The following HEATR3 variants were observed in gnomAD, a reference collection of about 807,000 sequenced individuals.
HEATR3 encodes HEAT repeat-containing protein 3.
A neutral mutation model predicts 72.8 loss-of-function variants in HEATR3; 56 were observed. That is an observed-to-expected ratio of 0.77 (90% CI 0.62 to 0.96). The LOEUF is 0.96. HEATR3 is among the 40% of genes least tolerant of loss of function. The pLI is 0.00. For synonymous variants in HEATR3, 331 were observed against 318.1 expected (o/e 1.04, Z -0.43); for missense variants, 747 against 831.4 (o/e 0.90, Z 1.25).
Position 50,086,103 on chromosome 16 carries a change from TGTATTTACAGATATTTCCAGTCAGAAC to T in HEATR3, c.1374-109_1374-83del, listed in dbSNP as rs929196163. On this transcript the variant is annotated intron_variant, in intron 10 of 14. Coordinates refer to ENST00000299192, the MANE Select transcript of HEATR3 (RefSeq NM_182922.4). ...TCTTTGCTAACTGCCATAGATACCT[TGTATTTACAGATATTTCCAGTCAGAAC>T]GTGAAGCTTAGGCTAAAAGTTAATA... 8.2e-6 allele frequency: 8 copies of T among 981,520 alleles called. No homozygotes were observed. The African/African-American group carries it at 1.3e-4, about 16-fold the overall frequency. 60.8% of individuals were successfully genotyped at this position (981,520 alleles called of 1,614,324 possible).
intron 5 of HEATR3, among the ~76,000 whole-genome samples, chr16:50,075,235 T>G (rs1394264780): frequency 1.3e-5 from 2 of 149,486 alleles, no homozygotes; most frequent in South Asian, 2.1e-4. Flanking sequence ...AGGAATCGTT[T>G]GAACCTGGGA....
intron 13 of HEATR3, 154 bp downstream of exon 13, chr16:50,100,527 C>A: frequency 1.5e-6 from 1 of 668,072 alleles, no homozygotes; most frequent in Non-Finnish European, 2.5e-6. Flanking sequence ...TACCCTTTGG[C>A]TTGATCTAAC....
chr16:50,077,292 GAGCCACAGTCCCC>G, intron 6 of HEATR3, among the ~76,000 whole-genome samples: 1 of 151,768 alleles, frequency 6.6e-6, no homozygotes, highest in Middle Eastern at 3.4e-3. Context: ...TTACAGGCGT[GAGCCACAGTCCCC>G]AGCCACAGTT....
At chr16:50,092,139 C>T (rs2037126980) in intron 11 of HEATR3, among the ~76,000 whole-genome samples, 1 of 151,828 alleles carries the variant, frequency 6.6e-6, no homozygotes, top group African/African-American at 2.4e-5. Context: ...GAGTTTGAGA[C>T]CAGCCTGTAC....
Position 50,070,306 on chromosome 16 carries a change from A to T in HEATR3, c.512+16A>T. The T allele has an allele frequency of 7.8e-7, 1 of 1,287,838 alleles. No homozygotes were observed. Among genetic ancestry groups the T allele is most frequent in the Non-Finnish European group, 1.1e-6 (1 of 886,026 alleles). 79.8% of individuals were successfully genotyped at this position (1,287,838 alleles called of 1,614,324 possible). ...GGAATATATGGTAAGATGCCTACCAAACACAGTCTCCTGCTATAGCAGTAC... is the reference window on the plus strand; with the variant it reads ...GGAATATATGGTAAGATGCCTACCATACACAGTCTCCTGCTATAGCAGTAC... On this transcript the variant is annotated intron_variant, in intron 4 of 14. Transcript: ENST00000299192.
intron 6 of HEATR3, among the ~76,000 whole-genome samples, chr16:50,078,297 G>T (rs1212485247): frequency 6.6e-6 from 1 of 151,992 alleles, no homozygotes; most frequent in Non-Finnish European, 1.5e-5. Context: ...GATAGCTCCT[G>T]TTCTTTTTTG....
chr16:50,097,345 AT>A (rs11383881), intron 12 of HEATR3, among the ~76,000 whole-genome samples: 2 of 125,950 alleles, frequency 1.6e-5, no homozygotes, highest in African/African-American at 6.4e-5. Context: ...ATTAGCTATG[AT>A]TTTTTTTTTT....
At chr16:50,070,910 T>A (rs1211304493) in intron 4 of HEATR3, among the ~76,000 whole-genome samples, 1 of 152,180 alleles carries the variant, frequency 6.6e-6, no homozygotes, top group Non-Finnish European at 1.5e-5. Flanking sequence ...CTGAGCAGAA[T>A]TTGTCTTTAA....
intron 7 of HEATR3, 33 bp downstream of exon 7, chr16:50,079,051 A>T (rs780395747): frequency 2.1e-6 from 3 of 1,451,616 alleles, no homozygotes; most frequent in Non-Finnish European, 1.8e-6. Context: ...AATATGGATT[A>T]ATACAGCTGT....
At chr16:50,091,102 C>T (rs1467139188) in intron 11 of HEATR3, among the ~76,000 whole-genome samples, 3 of 151,774 alleles carry the variant, frequency 2.0e-5, no homozygotes, top group African/African-American at 7.3e-5. Context: ...CAAGATTGCA[C>T]CACTGCACTC....
chr16:50,066,320 CGCGT>C, intron 1 of HEATR3, 43 bp from the exon 2 acceptor site: 12 of 1,565,270 alleles, frequency 7.7e-6, no homozygotes, highest in Non-Finnish European at 1.0e-5. Flanking sequence ...TTGCCCCGCG[CGCGT>C]GCGCATTGCG....
chr16:50,098,782 C>G (rs2037302683), intron 12 of HEATR3, among the ~76,000 whole-genome samples: 1 of 151,962 alleles, frequency 6.6e-6, no homozygotes, highest in East Asian at 1.9e-4. Context: ...CATTAAAAGA[C>G]ATTAAAATTA....
chr16:50,078,718 C>A, intron 6 of HEATR3, 23 bp from the exon 7 acceptor site: 1 of 1,599,150 alleles, frequency 6.3e-7, no homozygotes, highest in Non-Finnish European at 8.5e-7. Context: ...CATTTCTTAT[C>A]CTTATGCTTG....
chr16:50,086,058 A>G (rs2036979362), intron 10 of HEATR3, among the ~76,000 whole-genome samples, 157 bp from the exon 11 acceptor site: 1 of 152,154 alleles, frequency 6.6e-6, no homozygotes, highest in South Asian at 2.1e-4. Context: ...GAAAACACAA[A>G]AAACAGTTCA....
rs146891703 is a variant in HEATR3, at chr16:50,100,087, A to G, written c.1600-143A>G. The G allele has an allele frequency of 1.5e-4, 94 of 611,690 alleles. 1 individual carries two copies. In the East Asian group the frequency reaches 2.8e-3, roughly 18 times the overall value. 37.9% of individuals were successfully genotyped at this position (611,690 alleles called of 1,614,324 possible). ...GTCTGGGAGAACTGGAATACATATT[A>G]ATAGTAACTTACCTGCCAGGAGTTT... On this transcript the variant is annotated intron_variant, in intron 12 of 14. Coordinates refer to ENST00000299192, the MANE Select transcript of HEATR3 (RefSeq NM_182922.4).
chr16:50,091,945 A>G (rs7190890), intron 11 of HEATR3, among the ~76,000 whole-genome samples: 103,165 of 151,586 alleles, frequency 0.68, 35,410 homozygotes, highest in South Asian at 0.72. Flanking sequence ...TTTGTGTGCA[A>G]TTCATAAATC....
rs1267927589 is a variant in HEATR3, at chr16:50,105,036, C to A, written c.2018C>A (p.Thr673Asn). 10 of 1,612,400 alleles carry A rather than the reference C, an allele frequency of 6.2e-6. No individual in the cohort carries two copies. The highest frequency in any genetic ancestry group is 8.5e-6 in the Non-Finnish European group (10 of 1,179,572). The change falls in exon 15 of 15, where the codon ACT (threonine) becomes AAT (asparagine). Residue 673 changes from threonine to asparagine, a missense_variant. Transcript: ENST00000299192. ...CGAAGATTTATTGCTTATCAAGAAA[C>A]TGTTGAGAAAAGACTGACTTCTTAA... The part of the protein sequence containing the change: ...NLRRFIAYQE[T>N]VEKRLTS
chr16:50,088,641 G>A (rs952134152), intron 11 of HEATR3, among the ~76,000 whole-genome samples: 22 of 152,164 alleles, frequency 1.4e-4, no homozygotes, highest in Admixed American at 5.9e-4. Context: ...ACGGGGAGGG[G>A]ACTTTCCCCA....
chr16:50,099,953 T>C (rs920598405), intron 12 of HEATR3, among the ~76,000 whole-genome samples: 2 of 152,234 alleles, frequency 1.3e-5, no homozygotes, highest in Non-Finnish European at 2.9e-5. Flanking sequence ...CTCTTTAGTG[T>C]GTGTACATCT....
Sources: allele counts gnomAD v4.1 joint callset (sites outside exome capture counted in the v4.1 genomes callset), GRCh38; gene constraint gnomAD v4.1.1; transcripts MANE v1.5; gene names NCBI Gene and HGNC (gene_info 2026-07-23, HGNC 2026-07-21).